The following INPP4B variants were observed in gnomAD, a reference collection of about 807,000 sequenced individuals.
INPP4B encodes inositol polyphosphate-4-phosphatase type II B, also known as inositol polyphosphate 4-phosphatase type II.
In INPP4B, 55 loss-of-function variants were observed where a neutral mutation model predicts 122.5. The ratio of observed to expected loss-of-function variants is 0.45; its 90% confidence interval spans 0.36 to 0.56. The LOEUF (loss-of-function observed/expected upper bound fraction) is 0.56, where lower values mean the gene tolerates loss of function less well. INPP4B is among the 20% of genes least tolerant of loss of function. The pLI, the probability that INPP4B is intolerant of heterozygous loss-of-function variation, is 0.00. For missense variants in INPP4B, 1,000 were observed against 1,097.7 expected (o/e 0.91, Z 1.26); for synonymous variants, 403 against 388.7 (o/e 1.04, Z -0.43).
At chr4:142,183,671 A>G (rs1405527820) in intron 15 of INPP4B, among the ~76,000 whole-genome samples, 1 of 152,216 alleles carries the variant, frequency 6.6e-6, no homozygotes, top group Non-Finnish European at 1.5e-5. Flanking sequence ...TAACAAGTTC[A>G]AAAGTTCCTC....
At chr4:142,716,489 G>A (rs765069499) in intron 2 of INPP4B, among the ~76,000 whole-genome samples, 8 of 151,414 alleles carry the variant, frequency 5.3e-5, no homozygotes, top group South Asian at 2.1e-4. Flanking sequence ...TTCCCCAAAC[G>A]GCAGAACAAA....
intron 25 of INPP4B, among the ~76,000 whole-genome samples, chr4:142,061,330 A>C (rs77168284): frequency 0.026 from 3,888 of 152,282 alleles, 187 homozygotes; most frequent in African/African-American, 0.089. Flanking sequence ...GTCACTAGGT[A>C]ATCTCCAAGG....
chr4:142,125,268 T>C (rs1798179299), intron 18 of INPP4B, among the ~76,000 whole-genome samples: 1 of 152,020 alleles, frequency 6.6e-6, no homozygotes, highest in African/African-American at 2.4e-5. Context: ...AGTCACACTC[T>C]ACTGAATTCC....
chr4:142,438,803 C>T (rs999797670), intron 3 of INPP4B, among the ~76,000 whole-genome samples: 2 of 152,066 alleles, frequency 1.3e-5, no homozygotes, highest in Non-Finnish European at 1.5e-5. Context: ...ATCTACCCGT[C>T]GGACAAAGGC....
chr4:142,476,776 C>A (rs1310931232), intron 2 of INPP4B, among the ~76,000 whole-genome samples: 1 of 152,146 alleles, frequency 6.6e-6, no homozygotes, highest in Admixed American at 6.5e-5. Context: ...TGTATACACA[C>A]CCAATGCAGG....
intron 25 of INPP4B, among the ~76,000 whole-genome samples, chr4:142,067,548 G>A (rs1169181304): frequency 6.6e-6 from 1 of 152,162 alleles, no homozygotes. Context: ...AAAGGAGGAT[G>A]TTCAAACCCA....
At chr4:142,620,030 G>C (rs1744548166) in intron 2 of INPP4B, among the ~76,000 whole-genome samples, 1 of 151,954 alleles carries the variant, frequency 6.6e-6, no homozygotes. Flanking sequence ...AAAAATAACA[G>C]ATGCTAGCTG....
chr4:142,398,566 A>T (rs1800514692), intron 7 of INPP4B, among the ~76,000 whole-genome samples: 1 of 150,268 alleles, frequency 6.7e-6, no homozygotes, highest in Non-Finnish European at 1.5e-5. Flanking sequence ...TTTGTATCTC[A>T]ACAGGTATAG....
intron 2 of INPP4B, among the ~76,000 whole-genome samples, chr4:142,650,842 A>T (rs745579307): frequency 5.3e-5 from 8 of 152,220 alleles, no homozygotes; most frequent in Non-Finnish European, 1.0e-4. Flanking sequence ...GATATCCAGG[A>T]CTTGAACACA....
intron 7 of INPP4B, among the ~76,000 whole-genome samples, chr4:142,369,732 G>A (rs1208361481): frequency 6.6e-6 from 1 of 151,752 alleles, no homozygotes; most frequent in African/African-American, 2.4e-5. Context: ...TTCGAGACCG[G>A]CCGGGCCAAC....
rs539741112 is a variant in INPP4B, at chr4:142,431,230, T to C, written c.30A>G (p.Glu10=). MEIKEEGAS[E]EGQHFLPTAQ... Reference sequence around the variant, plus strand: ...CTGTAGGAAGAAAGTGCTGCCCTTCTTCTGATGCCCCTTCCTCTTTAATTT... The same window carrying C: ...CTGTAGGAAGAAAGTGCTGCCCTTCCTCTGATGCCCCTTCCTCTTTAATTT... The change falls in exon 4 of 26, where the codon GAA becomes GAG. Residue 10 remains glutamate, a synonymous_variant. Transcript: ENST00000262992. 1.2e-6 allele frequency: 2 copies of C among 1,613,372 alleles called. No individual in the cohort carries two copies. The highest frequency in any genetic ancestry group is 1.1e-5 in the South Asian group (1 of 91,066).
chr4:142,306,232 T>C lies in INPP4B; in HGVS notation c.424-695A>G, dbSNP rs1006598192. On this transcript the variant is annotated intron_variant, in intron 8 of 25. Coordinates refer to ENST00000262992, the MANE Select transcript of INPP4B (RefSeq NM_001101669.3). ...GTAAAGAATAAAACTCCAAATTGTTTTTTTTTTTTTTTTTCTTTCCCAGGA... is the reference window on the plus strand; with the variant it reads ...GTAAAGAATAAAACTCCAAATTGTTCTTTTTTTTTTTTTTCTTTCCCAGGA... Among the ~76,000 whole-genome samples the C allele has an allele frequency of 1.2e-4, 3 of 25,084 alleles. No homozygotes were observed. The South Asian group carries it at 3.8e-3, about 32-fold the overall frequency. 16.5% of individuals were successfully genotyped at this position (25,084 alleles called of 152,430 possible). A position where few individuals can be genotyped will look rare whatever the true frequency, so the allele number is the denominator to read the frequency against.
At chr4:142,289,069 C>G (rs1014375061) in intron 9 of INPP4B, among the ~76,000 whole-genome samples, 1 of 152,034 alleles carries the variant, frequency 6.6e-6, no homozygotes, top group Admixed American at 6.6e-5. Context: ...CTTTATTATA[C>G]TTTCTCCTCT....
At chr4:142,508,475 A>G (rs1038660305) in intron 2 of INPP4B, among the ~76,000 whole-genome samples, 3 of 152,070 alleles carry the variant, frequency 2.0e-5, no homozygotes, top group Non-Finnish European at 4.4e-5. Context: ...GGTTTTCACC[A>G]TGTTGGCCAG....
chr4:142,479,467 C>T (rs1329184148), intron 2 of INPP4B, among the ~76,000 whole-genome samples: 1 of 152,048 alleles, frequency 6.6e-6, no homozygotes, highest in Admixed American at 6.6e-5. Flanking sequence ...TTGGTATATA[C>T]CCAAATAAAT....
At chr4:142,611,251 G>T (rs1448887268) in intron 2 of INPP4B, among the ~76,000 whole-genome samples, 1 of 151,308 alleles carries the variant, frequency 6.6e-6, no homozygotes, top group Non-Finnish European at 1.5e-5. Context: ...CCAAGGGATG[G>T]TGCTAAACCA....
intron 9 of INPP4B, among the ~76,000 whole-genome samples, chr4:142,285,395 C>A (rs956630114): frequency 6.7e-5 from 4 of 59,288 alleles, no homozygotes; most frequent in Non-Finnish European, 1.1e-4. Flanking sequence ...AGGTTCATGG[C>A]CTCAGACATG....
chr4:142,171,165 C>T (rs977355872), intron 16 of INPP4B, among the ~76,000 whole-genome samples: 9 of 151,142 alleles, frequency 6.0e-5, no homozygotes, highest in Admixed American at 5.9e-4. Context: ...AATAGAATAC[C>T]TCCTTCTTCA....
intron 2 of INPP4B, among the ~76,000 whole-genome samples, chr4:142,633,602 T>C (rs1042952669): frequency 6.6e-6 from 1 of 151,856 alleles, no homozygotes; most frequent in African/African-American, 2.4e-5. Context: ...ATGGATATAA[T>C]GGGAAAGGAA....
Sources: gnomAD v4.1 joint callset for allele counts (sites outside exome capture counted in the v4.1 genomes callset) on GRCh38, gnomAD v4.1.1 for gene constraint, MANE v1.5 for transcripts, NCBI Gene and HGNC (gene_info 2026-07-23, HGNC 2026-07-21) for gene names.